LATS1: variants seen among roughly 807,000 people sequenced by gnomAD.
LATS1 encodes the protein large tumor suppressor kinase 1.
A neutral mutation model predicts 106.6 loss-of-function variants in LATS1; 25 were observed. The ratio of observed to expected loss-of-function variants is 0.23; its 90% confidence interval spans 0.17 to 0.33. The LOEUF is 0.33. Among genes scored for constraint, LATS1 ranks in the 10% least tolerant of loss-of-function variants. LATS1 has a pLI of 1.00. For synonymous variants in LATS1, 465 were observed against 455.6 expected (o/e 1.02, Z -0.26); for missense variants, 1,040 against 1,382.6 (o/e 0.75, Z 3.93).
At chr6:149,688,775 A>G (rs1344347775) in intron 3 of LATS1, among the ~76,000 whole-genome samples, 1 of 152,232 alleles carries the variant, frequency 6.6e-6, no homozygotes, top group African/African-American at 2.4e-5. Flanking sequence ...TCAGGGTATG[A>G]TAAATGCTCT....
intron 2 of LATS1, among the ~76,000 whole-genome samples, chr6:149,699,621 C>T (rs1783331141): frequency 6.6e-6 from 1 of 152,028 alleles, no homozygotes; most frequent in Admixed American, 6.6e-5. Context: ...TGTGTAGTAG[C>T]ACTTCAATGA....
chr6:149,707,695 T>C (rs556776259), intron 1 of LATS1, among the ~76,000 whole-genome samples: 1 of 152,360 alleles, frequency 6.6e-6, no homozygotes, highest in Non-Finnish European at 1.5e-5. Context: ...AGCATATTTC[T>C]ATCATCTACA....
At chr6:149,714,959 G>A (rs1461919380) in intron 1 of LATS1, among the ~76,000 whole-genome samples, 2 of 152,150 alleles carry the variant, frequency 1.3e-5, no homozygotes, top group African/African-American at 4.8e-5. Context: ...CTTAGATTTA[G>A]TGGTATTTCA....
intron 7 of LATS1, among the ~76,000 whole-genome samples, chr6:149,670,183 AAAAAAAAAAAGAAAAGAAAAG>A (rs1781369014): frequency 6.8e-6 from 1 of 146,920 alleles, no homozygotes; most frequent in African/African-American, 2.6e-5. Flanking sequence ...AAAAAAAAAA[AAAAAAAAAAAGAAAAGAAAAG>A]AAAAGAAAAG....
chr6:149,703,700 T>C (rs923345809), intron 1 of LATS1, among the ~76,000 whole-genome samples: 17 of 151,674 alleles, frequency 1.1e-4, no homozygotes, highest in African/African-American at 3.6e-4. Context: ...CCTGTCTACA[T>C]TAAAAAAAAA....
intron 3 of LATS1, among the ~76,000 whole-genome samples, chr6:149,687,857 C>CTTGCCTAGCCT (rs1221987975): frequency 6.6e-6 from 1 of 151,080 alleles, no homozygotes; most frequent in African/African-American, 2.4e-5. Context: ...CGTGAGCCAC[C>CTTGCCTAGCCT]GTACTTGACC....
At position 149,676,543 on chromosome 6, in the gene LATS1, G is replaced by A. The variant is rs1781731913; in HGVS notation, c.2776+12C>T. 1 of 1,609,782 alleles carries A rather than the reference G, an allele frequency of 6.2e-7. No homozygotes were observed. The highest frequency in any genetic ancestry group is 8.5e-7 in the Non-Finnish European group (1 of 1,176,818). On this transcript the variant is annotated intron_variant, in intron 6 of 7. Transcript: ENST00000543571. Reference sequence around the variant, plus strand: ...AGGTCTACTGAGAATATATATGAAAGAAGTGCTTTACCTGTTCGTAGCAAC... The same window carrying A: ...AGGTCTACTGAGAATATATATGAAAAAAGTGCTTTACCTGTTCGTAGCAAC...
intron 7 of LATS1, among the ~76,000 whole-genome samples, chr6:149,673,096 C>CTTT (rs199602290): frequency 1.7e-5 from 2 of 119,110 alleles, no homozygotes; most frequent in Non-Finnish European, 3.5e-5. Flanking sequence ...CTTTTCTTTT[C>CTTT]TTTTTTTTTT....
intron 4 of LATS1, 150 bp from the exon 5 acceptor site, chr6:149,680,607 G>A (rs935478215): frequency 1.6e-6 from 1 of 637,402 alleles, no homozygotes; most frequent in Admixed American, 3.0e-5. Flanking sequence ...CATTTCAAAG[G>A]AAATTAATGA....
At chr6:149,668,558 C>G (rs1781282190) in intron 7 of LATS1, among the ~76,000 whole-genome samples, 1 of 150,520 alleles carries the variant, frequency 6.6e-6, no homozygotes. Context: ...CCTCTTGTGT[C>G]TGGAGTAGCT....
chr6:149,676,831 AACATTCTCCCTTGTGACAAACT>A (rs1398022200), intron 5 of LATS1, 94 bp from the exon 6 acceptor site: 1 of 1,107,740 alleles, frequency 9.0e-7, no homozygotes, highest in Non-Finnish European at 1.3e-6. Flanking sequence ...TAGGGTTAAC[AACATTCTCCCTTGTGACAAACT>A]AAGACACAAT....
chr6:149,695,251 A>C, intron 2 of LATS1, 30 bp from the exon 3 acceptor site: 1 of 1,453,630 alleles, frequency 6.9e-7, no homozygotes, highest in Non-Finnish European at 9.5e-7. Flanking sequence ...AAAAAAAAAG[A>C]AACAAAATTT....
At chr6:149,679,840 G>A in intron 5 of LATS1, 35 bp downstream of exon 5, 1 of 1,395,536 alleles carries the variant, frequency 7.2e-7, no homozygotes, top group South Asian at 1.4e-5. Flanking sequence ...ACATTATTAT[G>A]AACAAACTAA....
Position 149,678,046 on chromosome 6 carries a change from G to A in LATS1, c.2594-1309C>T, listed in dbSNP as rs559195769. Among the ~76,000 whole-genome samples, 12 of 142,736 alleles carry A rather than the reference G, an allele frequency of 8.4e-5. No individual in the cohort carries two copies. The East Asian group carries it at 2.2e-3, about 26-fold the overall frequency. 93.6% of individuals were successfully genotyped at this position (142,736 alleles called of 152,430 possible). ...AAAAAAAAAAACAAACAGGCTGGGCGTGGTCGCTCACGCCTGTAATCCCAG... is the reference window on the plus strand; with the variant it reads ...AAAAAAAAAAACAAACAGGCTGGGCATGGTCGCTCACGCCTGTAATCCCAG... On this transcript the variant is annotated intron_variant, in intron 5 of 7. Coordinates refer to ENST00000543571, the MANE Select transcript of LATS1 (RefSeq NM_004690.4).
At chr6:149,707,551 A>G (rs913812976) in intron 1 of LATS1, among the ~76,000 whole-genome samples, 5 of 152,200 alleles carry the variant, frequency 3.3e-5, no homozygotes, top group Non-Finnish European at 7.3e-5. Context: ...ACGCTGGACC[A>G]GAGAAATTCA....
At chr6:149,663,016 A>G (rs1005074343) in intron 7 of LATS1, among the ~76,000 whole-genome samples, 2 of 151,928 alleles carry the variant, frequency 1.3e-5, no homozygotes, top group African/African-American at 4.8e-5. Context: ...AATAAAATGA[A>G]ATGATGAAGA....
intron 5 of LATS1, among the ~76,000 whole-genome samples, chr6:149,678,113 G>T (rs1781822674): frequency 1.6e-5 from 2 of 121,276 alleles, no homozygotes; most frequent in South Asian, 5.6e-4. Flanking sequence ...GAGGTCAGAA[G>T]ATTGAGACCG....
At chr6:149,680,760 AG>A (rs1781995654) in intron 4 of LATS1, among the ~76,000 whole-genome samples, 2 of 150,978 alleles carry the variant, frequency 1.3e-5, no homozygotes, top group Admixed American at 1.3e-4. Flanking sequence ...AAAAAAAAAA[AG>A]GTTCTCAATG....
In LATS1 at chr6:149,684,040, C is replaced by T. The variant is rs755614808; in HGVS notation, c.1049G>A (p.Gly350Asp). 3.1e-6 allele frequency: 5 copies of T among 1,614,098 alleles called. No individual in the cohort carries two copies. The highest frequency in any genetic ancestry group is 1.1e-5 in the South Asian group (1 of 91,084). ...FPSGRPGMQNGTGQTDFMIHQ... is the reference protein window; with the variant it reads ...FPSGRPGMQNDTGQTDFMIHQ... The stretch of plus-strand genomic sequence containing the variant: ...TATCATGAAATCAGTTTGTCCAGTA[C>T]CATTCTGCATTCCAGGTCTCCCTGA... The change falls in exon 4 of 8, where the codon GGT (glycine) becomes GAT (aspartate). Residue 350 changes from glycine to aspartate, a missense_variant. Physicochemically the swap from Gly to Asp is moderately conservative, Grantham distance 94. Around this residue, in one of 7 missense-constraint regions of LATS1, gnomAD observed 624 missense variants for 714.8 expected, o/e 0.87. Coordinates refer to ENST00000543571, the MANE Select transcript of LATS1 (RefSeq NM_004690.4).
Sources: gnomAD v4.1 joint callset for allele counts (sites outside exome capture counted in the v4.1 genomes callset) on GRCh38, gnomAD v4.1.1 for gene constraint, gnomAD v4.1.1 regional missense constraint, MANE v1.5 for transcripts, NCBI Gene and HGNC (gene_info 2026-07-23, HGNC 2026-07-21) for gene names.